SNTG2: variants seen among roughly 807,000 people sequenced by gnomAD.
SNTG2 encodes syntrophin gamma 2.
In SNTG2, 74 loss-of-function variants were observed where a neutral mutation model predicts 70.9. The ratio of observed to expected loss-of-function variants is 1.04; its 90% CI spans 0.86 to 1.27. The LOEUF (loss-of-function observed/expected upper bound fraction) is 1.27. SNTG2 is among the 50% of genes most tolerant of loss of function. The pLI, the probability that SNTG2 is intolerant of heterozygous loss-of-function variation, is 0.00. For missense variants in SNTG2, 717 were observed against 690.7 expected, an observed-to-expected ratio of 1.04 and a Z score of -0.43; for synonymous variants, 278 against 273.8, an observed-to-expected ratio of 1.02 and a Z score of -0.15.
chr2:1,155,172 C>CACACACACA (rs1553340385), intron 6 of SNTG2, among the ~76,000 whole-genome samples: 468 of 26,014 alleles, frequency 0.018, 2 homozygotes, highest in African/African-American at 0.025. Context: ...CACGTAGACC[C>CACACACACA]CCCCCCCACA....
In SNTG2 at chr2:1,267,473, G is replaced by A. The variant is rs1307709544; in HGVS notation, c.1186G>A (p.Gly396Arg). The A allele has an allele frequency of 1.2e-6, 2 of 1,613,906 alleles. No homozygotes were observed. The highest frequency in any genetic ancestry group is 2.2e-5 in the East Asian group (1 of 44,866). Residue 396 changes from glycine (G) to arginine (R), a missense_variant, in exon 14 of 17, where the codon GGG (glycine) becomes AGG (arginine). By Grantham distance (125) the Gly-to-Arg change is moderately radical. Coordinates refer to ENST00000308624, the MANE Select transcript of SNTG2 (RefSeq NM_018968.4). ...TTGCTTCAGCATCGTGGCCGGCCAT[G>A]GGAAGAGCCATGTTTTCAACGTGGA... ...PYCFSIVAGHGKSHVFNVELG... is the reference protein window; with the variant it reads ...PYCFSIVAGHRKSHVFNVELG...
Position 1,311,380 on chromosome 2 carries a change from A to C in SNTG2, c.1377+2794A>C, listed in dbSNP as rs566593693. Among the ~76,000 whole-genome samples, 5 of 152,372 alleles carry C rather than the reference A, an allele frequency of 3.3e-5. No individual in the cohort carries two copies. The East Asian group carries it at 9.7e-4, about 29-fold the overall frequency. Reference sequence around the variant, plus strand: ...CAACAACTGAACCTGAAAATAGCACATGACAACATAAACAATTGTTCCTTG... The same window carrying C: ...CAACAACTGAACCTGAAAATAGCACCTGACAACATAAACAATTGTTCCTTG... On this transcript the variant is annotated intron_variant, in intron 15 of 16. Transcript: ENST00000308624.
intron 11 of SNTG2, among the ~76,000 whole-genome samples, chr2:1,242,402 C>CA (rs1332153214): frequency 2.0e-5 from 3 of 151,852 alleles, no homozygotes; most frequent in Admixed American, 6.6e-5. Flanking sequence ...CAAAAACACA[C>CA]AAAAAACAGA....
chr2:1,085,922 A>T (rs1298698400), intron 2 of SNTG2, among the ~76,000 whole-genome samples: 1 of 152,248 alleles, frequency 6.6e-6, no homozygotes, highest in Non-Finnish European at 1.5e-5. Flanking sequence ...GGGATGCTGT[A>T]TATTACACTT....
intron 7 of SNTG2, among the ~76,000 whole-genome samples, chr2:1,166,736 C>G (rs543681172): frequency 6.6e-6 from 1 of 152,316 alleles, no homozygotes; most frequent in Non-Finnish European, 1.5e-5. Flanking sequence ...CAGTACCACC[C>G]TGGCCTACCA....
intron 9 of SNTG2, among the ~76,000 whole-genome samples, chr2:1,233,308 G>A (rs577295120): frequency 6.6e-6 from 1 of 152,256 alleles, no homozygotes; most frequent in African/African-American, 2.4e-5. Flanking sequence ...TCGGTTTGGG[G>A]CTTTAATGAC....
intron 2 of SNTG2, among the ~76,000 whole-genome samples, chr2:1,096,816 G>A (rs1665420795): frequency 6.6e-6 from 1 of 152,194 alleles, no homozygotes; most frequent in Non-Finnish European, 1.5e-5. Flanking sequence ...CATTGGTGCA[G>A]TGTCACTGGG....
At chr2:1,205,429 C>T (rs1021740659) in intron 8 of SNTG2, among the ~76,000 whole-genome samples, 22 of 152,138 alleles carry the variant, frequency 1.4e-4, no homozygotes, top group African/African-American at 4.6e-4. Context: ...GATCTCAGGA[C>T]GAAATCACTT....
intron 9 of SNTG2, among the ~76,000 whole-genome samples, chr2:1,227,504 G>T (rs1168389865): frequency 2.0e-5 from 3 of 152,224 alleles, no homozygotes; most frequent in Non-Finnish European, 2.9e-5. Flanking sequence ...GTGTGGGAGG[G>T]AGAGTCACGG....
At chr2:1,244,611 GC>G (rs1677288361) in intron 11 of SNTG2, among the ~76,000 whole-genome samples, 1 of 150,048 alleles carries the variant, frequency 6.7e-6, no homozygotes, top group African/African-American at 2.4e-5. Context: ...CAGGAGAATG[GC>G]GTGAACCTGG....
intron 4 of SNTG2, among the ~76,000 whole-genome samples, chr2:1,099,934 G>A (rs1430230946): frequency 2.0e-5 from 3 of 152,164 alleles, no homozygotes; most frequent in African/African-American, 4.8e-5. Context: ...CAAACCTGCC[G>A]TTAAACTTGC....
At chr2:1,116,598 T>A (rs113877005) in intron 4 of SNTG2, among the ~76,000 whole-genome samples, 1,643 of 59,006 alleles carry the variant, frequency 0.028, 32 homozygotes, top group African/African-American at 0.092. Context: ...GCCCCGGTGT[T>A]CGGGTGCCCT....
rs1660692607 is a variant in SNTG2, at chr2:1,353,540, C to T, written c.1489-13803C>T. 3 of 152,248 alleles carry T rather than the reference C, an allele frequency of 2.0e-5. No homozygotes were observed. The highest frequency in any genetic ancestry group is 2.9e-5 in the Non-Finnish European group (2 of 68,060). 9.4% of individuals were successfully genotyped at this position (152,248 alleles called of 1,614,324 possible). A position where few individuals can be genotyped will look rare whatever the true frequency, so the allele number is the denominator to read the frequency against. The stretch of plus-strand genomic sequence containing the variant: ...AAGTCTTGCTTTGAGGGCCAAGTCC[C>T]CACAGCCACCTCCTTGAATTCACGG... On this transcript the variant is annotated intron_variant, in intron 16 of 16. Transcript: ENST00000308624. This position sits in a 1 kb window ranked among gnomAD's most constrained non-coding sequence, Gnocchi z 4.2.
chr2:1,039,498 G>A (rs553932700), intron 1 of SNTG2, among the ~76,000 whole-genome samples: 5 of 152,260 alleles, frequency 3.3e-5, no homozygotes, highest in Non-Finnish European at 7.4e-5. Flanking sequence ...ACAGCATGAA[G>A]TTCTACCATT....
chr2:1,177,352 T>C (rs1671548998), intron 8 of SNTG2, among the ~76,000 whole-genome samples: 1 of 151,810 alleles, frequency 6.6e-6, no homozygotes, highest in Non-Finnish European at 1.5e-5. Context: ...AGGGAGAGCA[T>C]CAAGAAAAAA....
At chr2:1,180,350 T>A (rs1398124285) in intron 8 of SNTG2, among the ~76,000 whole-genome samples, 3 of 134,468 alleles carry the variant, frequency 2.2e-5, no homozygotes, top group Admixed American at 8.2e-5. Flanking sequence ...GAATCTACAA[T>A]GAACTCAAAC....
intron 4 of SNTG2, among the ~76,000 whole-genome samples, chr2:1,100,013 C>T (rs535295405): frequency 1.1e-4 from 17 of 152,300 alleles, no homozygotes; most frequent in Middle Eastern, 6.8e-3. Flanking sequence ...GCAGTCTCAG[C>T]CTCAGAGGCA....
intron 2 of SNTG2, among the ~76,000 whole-genome samples, chr2:1,084,416 G>A (rs1390208421): frequency 6.6e-6 from 1 of 152,126 alleles, no homozygotes; most frequent in Admixed American, 6.5e-5. Context: ...GAACATCCTG[G>A]CTCACACCTT....
chr2:1,139,693 G>A (rs1280644325), intron 6 of SNTG2, among the ~76,000 whole-genome samples: 1 of 152,082 alleles, frequency 6.6e-6, no homozygotes, highest in Non-Finnish European at 1.5e-5. Context: ...GTCAGGCATG[G>A]TGGCGCATAC....
Sources: gnomAD v4.1 joint callset for allele counts (sites outside exome capture counted in the v4.1 genomes callset) on GRCh38, gnomAD v4.1.1 for gene constraint, Gnocchi (gnomAD v3.1) non-coding constraint, MANE v1.5 for transcripts, NCBI Gene and HGNC (gene_info 2026-07-23, HGNC 2026-07-21) for gene names.